MARCHF5: variants seen among roughly 807,000 people sequenced by gnomAD.
MARCHF5 encodes the protein membrane associated ring-CH-type finger 5.
MARCHF5 carries 5 observed loss-of-function variants against 36.5 expected under a neutral mutation model. That is an observed-to-expected ratio of 0.14 (90% confidence interval 0.07 to 0.29). MARCHF5 has a LOEUF of 0.29. Ranked by LOEUF, MARCHF5 falls within the 10% of genes least tolerant of loss-of-function variation. The pLI, the probability that MARCHF5 is intolerant of heterozygous loss-of-function variation, is 1.00. For missense variants in MARCHF5, 179 were observed against 336.3 expected (o/e 0.53, Z 3.66); for synonymous variants, 103 against 109.9 (o/e 0.94, Z 0.39).
At chr10:92,320,922 C>T (rs185912904) in intron 2 of MARCHF5, among the ~76,000 whole-genome samples, 1 of 152,218 alleles carries the variant, frequency 6.6e-6, no homozygotes, top group East Asian at 1.9e-4. Flanking sequence ...AACTTCCAGA[C>T]TTCCAGCCTT....
intron 2 of MARCHF5, among the ~76,000 whole-genome samples, chr10:92,332,917 C>T (rs1590662538): frequency 6.6e-6 from 1 of 151,990 alleles, no homozygotes; most frequent in African/African-American, 2.4e-5. Flanking sequence ...GTAATCCCAG[C>T]ACTTTGGGAG....
chr10:92,303,333 A>G (rs1399023213), intron 1 of MARCHF5, among the ~76,000 whole-genome samples: 2 of 152,148 alleles, frequency 1.3e-5, no homozygotes, highest in Non-Finnish European at 2.9e-5. Flanking sequence ...ATATATGTTC[A>G]TTTCCATCTC....
intron 3 of MARCHF5, among the ~76,000 whole-genome samples, chr10:92,343,230 C>T (rs950800713): frequency 6.6e-6 from 1 of 152,150 alleles, no homozygotes; most frequent in Non-Finnish European, 1.5e-5. Flanking sequence ...AATACCTGCC[C>T]TTCTAGTCTT....
intron 1 of MARCHF5, among the ~76,000 whole-genome samples, chr10:92,308,811 TCTC>T (rs944197506): frequency 1.3e-5 from 2 of 151,792 alleles, no homozygotes; most frequent in African/African-American, 4.8e-5. Context: ...TTCACGCCAT[TCTC>T]CTGTCTCAGC....
intron 2 of MARCHF5, among the ~76,000 whole-genome samples, chr10:92,322,850 G>C (rs1314097184): frequency 6.6e-6 from 1 of 151,402 alleles, no homozygotes; most frequent in Admixed American, 6.6e-5. Context: ...CAATTCTCCT[G>C]CCTCAGCCTC....
chr10:92,351,835 A>G lies in MARCHF5; in HGVS notation c.*628A>G, dbSNP rs1267725468. 1 of 152,254 alleles carries G rather than the reference A, an allele frequency of 6.6e-6. No individual in the cohort carries two copies. Among genetic ancestry groups the G allele is most frequent in the Admixed American group, 6.6e-5 (1 of 15,208 alleles). The allele number at this position is 152,254 out of a possible 1,614,324, so 9.4% of individuals were successfully genotyped here. The stretch of plus-strand genomic sequence containing the variant: ...ACAGGGCTTCCAGATCACTTTTTCA[A>G]TATTAAATTTTATTTACATAATGTT... On this transcript the variant is annotated 3_prime_UTR_variant, in exon 6 of 6. Coordinates refer to ENST00000358935, the MANE Select transcript of MARCHF5 (RefSeq NM_017824.5).
intron 2 of MARCHF5, among the ~76,000 whole-genome samples, chr10:92,313,625 G>T (rs1029292975): frequency 5.3e-5 from 8 of 152,044 alleles, no homozygotes; most frequent in African/African-American, 1.9e-4. Context: ...ATTGTGGCGG[G>T]TCACAGTGGC....
chr10:92,307,570 A>AT (rs1288876521), intron 1 of MARCHF5, among the ~76,000 whole-genome samples: 11 of 150,518 alleles, frequency 7.3e-5, no homozygotes, highest in Non-Finnish European at 1.0e-4. Context: ...TAAAAAAAAA[A>AT]TTTTTTTTTA....
At chr10:92,328,817 ATATAT>A (rs1490403627) in intron 2 of MARCHF5, among the ~76,000 whole-genome samples, 37 of 86,308 alleles carry the variant, frequency 4.3e-4, no homozygotes, top group African/African-American at 1.4e-3. Flanking sequence ...ATATATATAT[ATATAT>A]TTTTTTTTTT....
chr10:92,291,414 C>A lies in MARCHF5; in HGVS notation c.-81C>A. 1 of 1,275,906 alleles carries A rather than the reference C, an allele frequency of 7.8e-7. No homozygotes were observed. The highest frequency in any genetic ancestry group is 1.1e-6 in the Non-Finnish European group (1 of 901,164). The allele number at this position is 1,275,906 out of a possible 1,614,324, so 79.0% of individuals were successfully genotyped here. Reference sequence around the variant, plus strand: ...TGCCGCCGGACTGCGGCCTACTCCGCCGCCTCTCAGTGCTATTGTCCCTGG... The same window carrying A: ...TGCCGCCGGACTGCGGCCTACTCCGACGCCTCTCAGTGCTATTGTCCCTGG... On this transcript the variant is annotated 5_prime_UTR_variant, in exon 1 of 6. Coordinates refer to ENST00000358935, the MANE Select transcript of MARCHF5 (RefSeq NM_017824.5).
chr10:92,340,414 A>G (rs981227870), intron 2 of MARCHF5, among the ~76,000 whole-genome samples: 4 of 152,318 alleles, frequency 2.6e-5, no homozygotes, highest in Middle Eastern at 3.4e-3. Context: ...CAACTTCATG[A>G]AAGTATTTTA....
chr10:92,292,222 G>A (rs1455246962), intron 1 of MARCHF5, among the ~76,000 whole-genome samples: 1 of 152,064 alleles, frequency 6.6e-6, no homozygotes, highest in African/African-American at 2.4e-5. Context: ...ATTCTTGGGG[G>A]GCCCCAGTCG....
chr10:92,342,152 A>C (rs1167318306), intron 3 of MARCHF5, among the ~76,000 whole-genome samples: 1 of 136,236 alleles, frequency 7.3e-6, no homozygotes, highest in East Asian at 2.4e-4. Context: ...AATACTCCCC[A>C]CAAACCGCCC....
intron 1 of MARCHF5, among the ~76,000 whole-genome samples, chr10:92,293,963 T>G (rs566360493): frequency 6.6e-6 from 1 of 152,224 alleles, no homozygotes; most frequent in African/African-American, 2.4e-5. Context: ...AGACCGTTAT[T>G]GTCTAGATTA....
intron 1 of MARCHF5, among the ~76,000 whole-genome samples, chr10:92,299,221 G>A (rs772137458): frequency 4.6e-5 from 7 of 152,076 alleles, no homozygotes; most frequent in Non-Finnish European, 1.0e-4. Context: ...ACTTGGTCCA[G>A]TTTGGCCTAC....
intron 3 of MARCHF5, among the ~76,000 whole-genome samples, chr10:92,344,838 AT>A (rs199634190): frequency 6.6e-6 from 1 of 151,732 alleles, no homozygotes; most frequent in Non-Finnish European, 1.5e-5. Context: ...CAACACAATA[AT>A]TTTTTTTTCT....
In MARCHF5 at chr10:92,328,264, T is replaced by TA. The variant is rs540760961; in HGVS notation, c.239-12408dup. On this transcript the variant is annotated intron_variant, in intron 2 of 5. Transcript: ENST00000358935. ...CACATTACATTTAGTCATGTCTCCT[T>TA]ACACTCCTCTTGGCTATGACCTTGA... Among the ~76,000 whole-genome samples, 21 of 148,990 alleles carry TA rather than the reference T, an allele frequency of 1.4e-4. No homozygotes were observed. In the South Asian group the frequency reaches 4.5e-3, roughly 32 times the overall value.
intron 1 of MARCHF5, among the ~76,000 whole-genome samples, chr10:92,295,900 T>C (rs1842944826): frequency 6.6e-6 from 1 of 151,894 alleles, no homozygotes; most frequent in Non-Finnish European, 1.5e-5. Flanking sequence ...TTCATGGAAT[T>C]TCGCTCTTGT....
chr10:92,323,566 C>A (rs1188378132), intron 2 of MARCHF5, among the ~76,000 whole-genome samples: 1 of 152,176 alleles, frequency 6.6e-6, no homozygotes, highest in Non-Finnish European at 1.5e-5. Context: ...TATGCTCCAT[C>A]TGTTCATCCC....
Sources: gnomAD v4.1 joint callset for allele counts (sites outside exome capture counted in the v4.1 genomes callset) on GRCh38, gnomAD v4.1.1 for gene constraint, MANE v1.5 for transcripts, NCBI Gene and HGNC (gene_info 2026-07-23, HGNC 2026-07-21) for gene names.